Variants in OR9Q1 observed in about 807,000 individuals in gnomAD.
OR9Q1 encodes the protein olfactory receptor 9Q1.
For missense variants in OR9Q1, 374 were observed against 378.8 expected (o/e 0.99, Z 0.11); for synonymous variants, 153 against 148.6 (o/e 1.03, Z -0.22).
At chr11:58,148,262 A>T (rs1219906975) in intron 2 of OR9Q1, among the ~76,000 whole-genome samples, 8 of 152,126 alleles carry the variant, frequency 5.3e-5, no homozygotes, top group Admixed American at 3.9e-4. Context: ...AGAATGATGG[A>T]GTGTAAACCA....
chr11:58,103,889 G>C (rs781504807), intron 2 of OR9Q1, among the ~76,000 whole-genome samples: 23 of 152,208 alleles, frequency 1.5e-4, no homozygotes, highest in Non-Finnish European at 2.6e-4. Flanking sequence ...GAGTGTCTCA[G>C]TGGGTTAGAC....
intron 2 of OR9Q1, among the ~76,000 whole-genome samples, chr11:58,160,801 A>G (rs1854449936): frequency 6.6e-6 from 1 of 152,140 alleles, no homozygotes; most frequent in Non-Finnish European, 1.5e-5. Context: ...TATCACTGAA[A>G]TGTAGCAAGT....
chr11:58,139,102 T>C (rs1854217386), intron 2 of OR9Q1, among the ~76,000 whole-genome samples: 1 of 151,814 alleles, frequency 6.6e-6, no homozygotes, highest in Non-Finnish European at 1.5e-5. Flanking sequence ...AGGAGGAAAT[T>C]CAACAGAAAA....
At chr11:58,042,096 CT>C (rs1168065563) in intron 1 of OR9Q1, among the ~76,000 whole-genome samples, 2 of 152,206 alleles carry the variant, frequency 1.3e-5, no homozygotes, top group Admixed American at 1.3e-4. Context: ...CACAGATTCT[CT>C]TTTTAAACCG....
At chr11:58,134,693 G>A (rs753581784) in intron 2 of OR9Q1, among the ~76,000 whole-genome samples, 4 of 152,088 alleles carry the variant, frequency 2.6e-5, no homozygotes, top group Non-Finnish European at 5.9e-5. Context: ...CCAACTTTTC[G>A]TGTCTTTCTC....
At chr11:58,082,291 G>T (rs1454699131) in intron 2 of OR9Q1, among the ~76,000 whole-genome samples, 2 of 151,894 alleles carry the variant, frequency 1.3e-5, no homozygotes, top group Non-Finnish European at 2.9e-5. Flanking sequence ...TAAGACACAT[G>T]CACAAGTATG....
At chr11:58,118,485 T>G (rs1334691610) in intron 2 of OR9Q1, 1 of 1,525,278 alleles carries the variant, frequency 6.6e-7, no homozygotes. Flanking sequence ...AAACAAGAAT[T>G]CCTCTTACTT....
Position 58,098,233 on chromosome 11 carries a change from G to GA in OR9Q1, c.-15+42286_-15+42287insA, listed in dbSNP as rs536660302. 3.1e-3 allele frequency among the ~76,000 whole-genome samples: 470 copies of GA among 152,270 alleles called. 1 individual carries two copies. The highest frequency in any genetic ancestry group is 5.1e-3 in the Non-Finnish European group (349 of 68,020). On this transcript the variant is annotated intron_variant, in intron 2 of 2. Coordinates refer to ENST00000335397, the MANE Select transcript of OR9Q1 (RefSeq NM_001005212.4). ...CGTGGGGATGGAGTGGGAGTGAAGT[G>GA]TTCTTAATTATAGATTCAATTTCTT... is the stretch of plus-strand genomic sequence containing the variant.
chr11:58,074,202 G>T (rs558386574), intron 2 of OR9Q1, among the ~76,000 whole-genome samples: 14 of 152,260 alleles, frequency 9.2e-5, no homozygotes, highest in African/African-American at 3.1e-4. Context: ...GGATTGTTGA[G>T]TCAAATGGTA....
chr11:58,092,994 T>A (rs1853698447), intron 2 of OR9Q1, among the ~76,000 whole-genome samples: 1 of 152,190 alleles, frequency 6.6e-6, no homozygotes, highest in South Asian at 2.1e-4. Flanking sequence ...TTTTTGTTTT[T>A]TTTTGTATCT....
At chr11:58,176,961 AG>A (rs763710695) in intron 2 of OR9Q1, among the ~76,000 whole-genome samples, 1 of 152,218 alleles carries the variant, frequency 6.6e-6, no homozygotes, top group Non-Finnish European at 1.5e-5. Flanking sequence ...AGGACCTGCC[AG>A]GTAAAGATGT....
chr11:58,174,191 G>A (rs376271711), intron 2 of OR9Q1, among the ~76,000 whole-genome samples: 3 of 152,142 alleles, frequency 2.0e-5, no homozygotes, highest in East Asian at 3.9e-4. Flanking sequence ...GAGTAGACCC[G>A]ATGCAAGCAA....
At chr11:58,083,302 T>C (rs1853606662) in intron 2 of OR9Q1, among the ~76,000 whole-genome samples, 1 of 151,864 alleles carries the variant, frequency 6.6e-6, no homozygotes, top group East Asian at 1.9e-4. Context: ...CCTTTGACCA[T>C]TTTTTAATGA....
At chr11:58,031,278 C>T (rs897787649) in intron 1 of OR9Q1, 5 of 1,614,150 alleles carry the variant, frequency 3.1e-6, no homozygotes, top group East Asian at 2.2e-5. Flanking sequence ...TTCATCTTCA[C>T]CTTTCTTGGG....
chr11:58,058,195 A>G (rs1273100675), intron 2 of OR9Q1, among the ~76,000 whole-genome samples: 1 of 152,208 alleles, frequency 6.6e-6, no homozygotes, highest in African/African-American at 2.4e-5. Flanking sequence ...TCTCTCTCAG[A>G]GCAGGACATC....
intron 2 of OR9Q1, among the ~76,000 whole-genome samples, chr11:58,154,404 A>AT (rs924721038): frequency 3.5e-4 from 47 of 134,404 alleles, no homozygotes; most frequent in African/African-American, 1.0e-3. Context: ...TTGTCCTGTG[A>AT]TGAAGCTGAG....
intron 2 of OR9Q1, among the ~76,000 whole-genome samples, chr11:58,155,273 A>G (rs1200968199): frequency 6.6e-6 from 1 of 152,182 alleles, no homozygotes; most frequent in Non-Finnish European, 1.5e-5. Context: ...CATTATAAAG[A>G]GTACTCTGCT....
intron 1 of OR9Q1, among the ~76,000 whole-genome samples, chr11:58,037,386 A>G (rs1853109975): frequency 6.6e-6 from 1 of 151,900 alleles, no homozygotes; most frequent in South Asian, 2.1e-4. Flanking sequence ...CCAAACCCAC[A>G]ATATGTCTGG....
chr11:58,071,731 A>C (rs1237670850), intron 2 of OR9Q1, among the ~76,000 whole-genome samples: 1 of 152,206 alleles, frequency 6.6e-6, no homozygotes, highest in Non-Finnish European at 1.5e-5. Flanking sequence ...ATGCCACCCA[A>C]ATTTATTTAC....
Sources: allele counts gnomAD v4.1 joint callset (sites outside exome capture counted in the v4.1 genomes callset), GRCh38; gene constraint gnomAD v4.1.1; transcripts MANE v1.5; gene names NCBI Gene and HGNC (gene_info 2026-07-23, HGNC 2026-07-21).